APOB: variants seen among roughly 807,000 people sequenced by gnomAD.
APOB encodes the protein apolipoprotein B-100.
A neutral mutation model predicts 314.1 loss-of-function variants in APOB; 153 were observed. That is an observed-to-expected ratio of 0.49 (90% CI 0.43 to 0.56). APOB has a LOEUF of 0.56. Ranked by LOEUF, APOB falls within the 20% of genes least tolerant of loss-of-function variation. The probability of loss-of-function intolerance (pLI) is 0.00; values close to 1 mark genes in which losing one functional copy is unlikely to be tolerated. For synonymous variants in APOB, 2,087 were observed against 2,036.4 expected (o/e 1.02, Z -0.67); for missense variants, 5,430 against 5,350.7 (o/e 1.01, Z -0.46).
intron 2 of APOB, 47 bp from the exon 3 acceptor site, chr2:21,042,523 C>T (rs1158857954): frequency 1.4e-6 from 2 of 1,406,792 alleles, no homozygotes; most frequent in Admixed American, 3.3e-5. Context: ...AATAGCTCTC[C>T]CAAGGACAGC....
At chr2:21,003,890 C>T (rs1230418897) in intron 28 of APOB, among the ~76,000 whole-genome samples, 9 of 152,136 alleles carry the variant, frequency 5.9e-5, no homozygotes. Context: ...TGATGTATCT[C>T]ATCTAGCAAT....
chr2:21,009,712 T>A lies in APOB; in HGVS notation c.7156A>T (p.Ile2386Leu). Residue 2386 changes from isoleucine to leucine, a missense_variant, in exon 26 of 29, where the codon ATA becomes TTA. Ile to Leu is a conservative substitution (Grantham distance 5). This residue lies in a region of APOB where 3,281 missense variants were observed against 3,171.0 expected (regional missense o/e 1.03). Coordinates refer to ENST00000233242, the MANE Select transcript of APOB (RefSeq NM_000384.3). ...ACCAATTTCTCAAAGTAATCTTTTA[T>A]CTTAACTTGTTGTAGGACATTGCTT... ...KLSNVLQQVK[I>L]KDYFEKLVGF... 1 of 1,613,664 alleles carries A rather than the reference T, an allele frequency of 6.2e-7. No individual in the cohort carries two copies. The highest frequency in any genetic ancestry group is 8.5e-7 in the Non-Finnish European group (1 of 1,179,794).
intron 18 of APOB, among the ~76,000 whole-genome samples, chr2:21,021,568 C>T (rs1663606509): frequency 6.6e-6 from 1 of 152,200 alleles, no homozygotes; most frequent in Non-Finnish European, 1.5e-5. Context: ...CATGCTCTCT[C>T]CCCTGCCTAC....
At position 21,005,668 on chromosome 2, in the gene APOB, C is replaced by T; in HGVS notation, c.11200G>A (p.Gly3734Arg). ...GAATTTAGATCATTTAGTTTCAGCC[C>T]AGGAATAATGAATTTATCAGCCAAA... Reference protein sequence around the residue: ...KVLADKFIIPGLKLNDLNSVL... With the variant: ...KVLADKFIIPRLKLNDLNSVL... Residue 3734 changes from glycine (G) to arginine (R), a missense_variant, in exon 26 of 29, where the codon GGG (glycine) becomes AGG (arginine). This residue lies in a region of APOB where 3,281 missense variants were observed against 3,171.0 expected (regional missense o/e 1.03). Coordinates refer to ENST00000233242, the MANE Select transcript of APOB (RefSeq NM_000384.3). 6.2e-7 allele frequency: 1 copy of T among 1,613,848 alleles called. No homozygotes were observed. Among genetic ancestry groups the T allele is most frequent in the East Asian group, 2.2e-5 (1 of 44,874 alleles).
rs1214619789 is a variant in APOB at position 21,028,527 on chromosome 2, A to G, written c.1629T>C (p.Val543=). 5.0e-6 allele frequency: 8 copies of G among 1,611,654 alleles called. No homozygotes were observed. In the Admixed American group the frequency reaches 1.2e-4, roughly 24 times the overall value. Residue 543 remains valine (V), a synonymous_variant, in exon 13 of 29, where the codon GTT becomes GTC. Transcript: ENST00000233242. ...CATCATCAAGGAAAGTCTGAAGAAG[A>G]ACCTCCTGGTCCTGCAGTCAAAAGA... The part of the protein sequence containing the change: ...KMEPKDKDQE[V]LLQTFLDDAS...
Position 21,041,407 on chromosome 2 carries a change from C to T in APOB, c.238-324G>A, listed in dbSNP as rs759363498. 8.1e-4 allele frequency among the ~76,000 whole-genome samples: 124 copies of T among 152,272 alleles called. 3 individuals are homozygous for T. The highest frequency in any genetic ancestry group is 3.3e-4 in the Admixed American group (5 of 15,304). ...ATAAAGAGCTGTGGTTAAATAGAAGCGCTGCAGACTAGGAGTGAAAGTGAA... is the reference window on the plus strand; with the variant it reads ...ATAAAGAGCTGTGGTTAAATAGAAGTGCTGCAGACTAGGAGTGAAAGTGAA... On this transcript the variant is annotated intron_variant, in intron 3 of 28. Coordinates refer to ENST00000233242, the MANE Select transcript of APOB (RefSeq NM_000384.3).
At chr2:21,019,578 C>T in intron 19 of APOB, 145 bp downstream of exon 19, 1 of 873,398 alleles carries the variant, frequency 1.1e-6, no homozygotes, top group Non-Finnish European at 1.8e-6. Context: ...GCCAGAGGAC[C>T]CTGCTTTAAA....
At position 21,004,304 on chromosome 2, in the gene APOB, C is replaced by T. The variant is rs1663068036; in HGVS notation, c.12052G>A (p.Asp4018Asn). ...TVGMDMDEDD[D>N]FSKWNFYYSP... is the part of the protein sequence containing the mutation. ...TAGTAGAAGTTCCATTTAGAAAAGTCGTCATCTTCATCCATATCCATGCCC... is the reference window on the plus strand; with the variant it reads ...TAGTAGAAGTTCCATTTAGAAAAGTTGTCATCTTCATCCATATCCATGCCC... Residue 4018 changes from aspartate (D) to asparagine (N), a missense_variant, in exon 28 of 29, where the codon GAC becomes AAC. By Grantham distance (23) the Asp-to-Asn change is conservative. Transcript: ENST00000233242. The T allele has an allele frequency of 6.2e-7, 1 of 1,613,932 alleles. No individual in the cohort carries two copies. The highest frequency in any genetic ancestry group is 8.5e-7 in the Non-Finnish European group (1 of 1,179,908).
At chr2:21,031,490 A>G (rs1183451982) in intron 10 of APOB, among the ~76,000 whole-genome samples, 2 of 152,244 alleles carry the variant, frequency 1.3e-5, no homozygotes, top group African/African-American at 2.4e-5. Context: ...GAAATTACTT[A>G]GTGGGTACAC....
intron 18 of APOB, among the ~76,000 whole-genome samples, chr2:21,022,441 T>G (rs1289184838): frequency 1.3e-5 from 2 of 152,212 alleles, no homozygotes; most frequent in Non-Finnish European, 2.9e-5. Context: ...AATCAATATG[T>G]TCTTAGGTAT....
chr2:21,024,910 C>T (rs765695891), intron 16 of APOB, 23 bp downstream of exon 16: 4 of 1,613,732 alleles, frequency 2.5e-6, no homozygotes, highest in Non-Finnish European at 3.4e-6. Flanking sequence ...CTCATGGGCC[C>T]CCAGTGGGGC....
chr2:21,031,966 A>G (rs114883958), intron 10 of APOB, among the ~76,000 whole-genome samples: 196 of 152,336 alleles, frequency 1.3e-3, no homozygotes, highest in African/African-American at 4.4e-3. Flanking sequence ...CTTAGGGGAA[A>G]GTGTGTTGAT....
intron 2 of APOB, among the ~76,000 whole-genome samples, 192 bp from the exon 3 acceptor site, chr2:21,042,668 T>C (rs528085849): frequency 1.4e-3 from 210 of 152,262 alleles, no homozygotes; most frequent in Non-Finnish European, 2.4e-3. Context: ...CTGAGGCTAA[T>C]GTTTAAATTG....
rs576103865 is a variant in APOB, at chr2:21,029,773, T to C, written c.1483A>G (p.Met495Val). 2.5e-6 allele frequency: 4 copies of C among 1,614,160 alleles called. No individual in the cohort carries two copies. Among genetic ancestry groups the C allele is most frequent in the Middle Eastern group, 1.6e-4 (1 of 6,062 alleles). The change falls in exon 12 of 29, where the codon ATG (methionine) becomes GTG (valine). Residue 495 changes from methionine to valine, a missense_variant. Around this residue, in one of 3 missense-constraint regions of APOB, gnomAD observed 2,085 missense variants for 2,079.7 expected, o/e 1.00. Coordinates refer to ENST00000233242, the MANE Select transcript of APOB (RefSeq NM_000384.3). ...TYLILRVIGNMGQTMEQLTPE... is the reference protein window; with the variant it reads ...TYLILRVIGNVGQTMEQLTPE... ...GTTAACTGCTCCATGGTTTGGCCCA[T>C]ATTTCCAATGACCTGCATTGAAGAA...
In APOB at chr2:21,013,233, G is replaced by T. The variant is rs754597311; in HGVS notation, c.4143C>A (p.Asp1381Glu). The change falls in exon 25 of 29, where the codon GAC becomes GAA. Residue 1381 changes from aspartate to glutamate, a missense_variant. This residue lies in a region of APOB where 2,085 missense variants were observed against 2,079.7 expected (regional missense o/e 1.00). Transcript: ENST00000233242. ...ASYSGGNTST[D>E]HFSLRARYHM... Reference sequence around the variant, plus strand: ...GGTAACGAGCCCGAAGGCTGAAATGGTCTGTGCTGGTGTTGCCACCACTGT... The same window carrying T: ...GGTAACGAGCCCGAAGGCTGAAATGTTCTGTGCTGGTGTTGCCACCACTGT... 5.7e-5 allele frequency: 92 copies of T among 1,614,190 alleles called. No homozygotes were observed. The East Asian group carries it at 2.0e-3, about 36-fold the overall frequency.
At chr2:21,029,408 T>C (rs1393056293) in intron 12 of APOB, among the ~76,000 whole-genome samples, 2 of 151,108 alleles carry the variant, frequency 1.3e-5, no homozygotes, top group African/African-American at 2.4e-5. Context: ...GCCGAGATCA[T>C]GCCACTGCAC....
rs747606537 is a variant in APOB, at chr2:21,006,100, C to T, written c.10768G>A (p.Glu3590Lys). Residue 3590 changes from glutamate (E) to lysine (K), a missense_variant, in exon 26 of 29, where the codon GAA (glutamate) becomes AAA (lysine). Around this residue, in one of 3 missense-constraint regions of APOB, gnomAD observed 3,281 missense variants for 3,171.0 expected, o/e 1.03. Coordinates refer to ENST00000233242, the MANE Select transcript of APOB (RefSeq NM_000384.3). ...NGEHTSKATL[E>K]LSPWQMSALV... ...GCTGACATTTGCCATGGAGAGAGTT[C>T]CAGGGTGGCTTTGCTTGTATGTTCT... The T allele has an allele frequency of 6.2e-7, 1 of 1,613,966 alleles. No individual in the cohort carries two copies. The highest frequency in any genetic ancestry group is 8.5e-7 in the Non-Finnish European group (1 of 1,179,936).
intron 14 of APOB, among the ~76,000 whole-genome samples, 187 bp from the exon 15 acceptor site, chr2:21,027,151 C>T (rs994120836): frequency 9.9e-5 from 15 of 152,094 alleles, no homozygotes; most frequent in Admixed American, 7.2e-4. Flanking sequence ...TTATTACTTG[C>T]TTTTTTCTAG....
At chr2:21,031,180 TAGCAA>T (rs1663869207) in intron 10 of APOB, among the ~76,000 whole-genome samples, 1 of 152,314 alleles carries the variant, frequency 6.6e-6, no homozygotes, top group African/African-American at 2.4e-5. Context: ...CTATTCACAA[TAGCAA>T]AGACATGGAA....
Sources: gnomAD v4.1 joint callset for allele counts (sites outside exome capture counted in the v4.1 genomes callset) on GRCh38, gnomAD v4.1.1 for gene constraint, gnomAD v4.1.1 regional missense constraint, MANE v1.5 for transcripts, NCBI Gene and HGNC (gene_info 2026-07-23, HGNC 2026-07-21) for gene names.